The following AKAP13 variants were observed in gnomAD, a reference collection of about 807,000 sequenced individuals.
AKAP13 encodes A-kinase anchoring protein 13.
In AKAP13, 80 loss-of-function variants were observed where a neutral mutation model predicts 264.5. That is an observed-to-expected ratio of 0.30 (90% confidence interval 0.25 to 0.36). The LOEUF (loss-of-function observed/expected upper bound fraction) is 0.36. Ranked by LOEUF, AKAP13 falls within the 10% of genes least tolerant of loss-of-function variation. The pLI, the probability that AKAP13 is intolerant of heterozygous loss-of-function variation, is 1.00. For synonymous variants in AKAP13, 1,380 were observed against 1,250.2 expected (o/e 1.10, Z -2.19); for missense variants, 3,712 against 3,435.2 (o/e 1.08, Z -2.01).
chr15:85,585,567 G>A, intron 7 of AKAP13, 135 bp from the exon 8 acceptor site: 1 of 1,267,128 alleles, frequency 7.9e-7, no homozygotes, highest in East Asian at 2.4e-5. Flanking sequence ...ACTAGCCGCT[G>A]ACAACAAAAG....
intron 8 of AKAP13, among the ~76,000 whole-genome samples, chr15:85,626,217 C>G (rs2081404438): frequency 1.3e-5 from 2 of 152,220 alleles, no homozygotes; most frequent in African/African-American, 4.8e-5. Flanking sequence ...TTGCATATCT[C>G]TAACTGCTGC....
chr15:85,727,190 G>A lies in AKAP13; in HGVS notation c.6947G>A (p.Ser2316Asn), dbSNP rs772934157. Residue 2316 changes from serine (S) to asparagine (N), a missense_variant, in exon 28 of 37, where the codon AGC (serine) becomes AAC (asparagine). Physicochemically the swap from Ser to Asn is conservative, Grantham distance 46. Coordinates refer to ENST00000394518, the MANE Select transcript of AKAP13 (RefSeq NM_007200.5). The surrounding 1 kb of genome is among the most constrained non-coding windows in gnomAD (Gnocchi z 5.3). ...CCAGAGATGGTAGAAGTCCATGCCAGCTCCAAAGAGGAACGAAACAGCTGG... is the reference window on the plus strand; with the variant it reads ...CCAGAGATGGTAGAAGTCCATGCCAACTCCAAAGAGGAACGAAACAGCTGG... ...TDPEMVEVHASSKEERNSWIQ... is the reference protein window; with the variant it reads ...TDPEMVEVHANSKEERNSWIQ... 3 of 1,614,200 alleles carry A rather than the reference G, an allele frequency of 1.9e-6. No homozygotes were observed. In the South Asian group the frequency reaches 3.3e-5, roughly 18 times the overall value.
chr15:85,574,918 C>G (rs966205163), intron 5 of AKAP13, among the ~76,000 whole-genome samples: 1 of 152,100 alleles, frequency 6.6e-6, no homozygotes, highest in Non-Finnish European at 1.5e-5. Flanking sequence ...GGCTAGGAGT[C>G]CTGCAGTTTT....
intron 14 of AKAP13, among the ~76,000 whole-genome samples, chr15:85,673,910 C>G (rs2084069017): frequency 6.6e-6 from 1 of 151,542 alleles, no homozygotes; most frequent in Non-Finnish European, 1.5e-5. Context: ...CCAGAATGGT[C>G]TCGATCTCCT....
intron 5 of AKAP13, among the ~76,000 whole-genome samples, chr15:85,559,725 C>T (rs1414765955): frequency 7.7e-6 from 1 of 129,410 alleles, no homozygotes; most frequent in African/African-American, 2.9e-5. Flanking sequence ...AGGCGGAATT[C>T]AGGTGGTAAT....
chr15:85,626,714 A>G lies in AKAP13; in HGVS notation c.4162-12660A>G, dbSNP rs1246305862. On this transcript the variant is annotated intron_variant, in intron 8 of 36. Coordinates refer to ENST00000394518, the MANE Select transcript of AKAP13 (RefSeq NM_007200.5). ...TGCTGTTATGAGCATTGGTATACAAATATCTGTTTGAGTTCCTGCTTGCAG... is the reference window on the plus strand; with the variant it reads ...TGCTGTTATGAGCATTGGTATACAAGTATCTGTTTGAGTTCCTGCTTGCAG... Among the ~76,000 whole-genome samples the G allele has an allele frequency of 2.6e-5, 4 of 152,204 alleles. 1 individual carries two copies. Among genetic ancestry groups the G allele is most frequent in the African/African-American group, 9.6e-5 (4 of 41,462 alleles).
intron 5 of AKAP13, among the ~76,000 whole-genome samples, chr15:85,571,933 G>A (rs2078832387): frequency 6.6e-6 from 1 of 152,224 alleles, no homozygotes; most frequent in East Asian, 1.9e-4. Context: ...TGAATTGGGA[G>A]ATTGAAGGGT....
At chr15:85,430,137 G>A (rs1357423554) in intron 1 of AKAP13, among the ~76,000 whole-genome samples, 1 of 152,186 alleles carries the variant, frequency 6.6e-6, no homozygotes, top group Non-Finnish European at 1.5e-5. Flanking sequence ...GTCATATTCT[G>A]TAAAGTCTCA....
At chr15:85,510,935 T>C (rs1295629855) in intron 2 of AKAP13, among the ~76,000 whole-genome samples, 1 of 152,152 alleles carries the variant, frequency 6.6e-6, no homozygotes, top group Admixed American at 6.5e-5. Flanking sequence ...AATCCCATGT[T>C]TTTAGGTGGC....
intron 1 of AKAP13, among the ~76,000 whole-genome samples, chr15:85,430,766 T>C (rs990154177): frequency 6.6e-6 from 1 of 152,220 alleles, no homozygotes; most frequent in East Asian, 1.9e-4. Context: ...GCTGGCCTTA[T>C]GTACATTGGC....
chr15:85,399,527 A>AAAAAAAAAAAAAAAAAAAAAAT (rs1567038675), intron 1 of AKAP13, among the ~76,000 whole-genome samples: 1 of 114,740 alleles, frequency 8.7e-6, no homozygotes, highest in Non-Finnish European at 1.8e-5. Flanking sequence ...AAAAAATAAA[A>AAAAAAAAAAAAAAAAAAAAAAT]AAATAAAAAA....
chr15:85,724,944 C>A lies in AKAP13; in HGVS notation c.6746-1466C>A, dbSNP rs1303947359. On this transcript the variant is annotated intron_variant, in intron 26 of 36. Coordinates refer to ENST00000394518, the MANE Select transcript of AKAP13 (RefSeq NM_007200.5). The surrounding 1 kb of genome is among the most constrained non-coding windows in gnomAD (Gnocchi z 4.2). Reference sequence around the variant, plus strand: ...TAAACTAAGGCTCCTTCCCTCCAGTCTTAATATTCCATGATGTTCTGAGAG... The same window carrying A: ...TAAACTAAGGCTCCTTCCCTCCAGTATTAATATTCCATGATGTTCTGAGAG... 6.6e-6 allele frequency among the ~76,000 whole-genome samples: 1 copy of A among 152,144 alleles called. No homozygotes were observed. The highest frequency in any genetic ancestry group is 1.5e-5 in the Non-Finnish European group (1 of 68,022).
chr15:85,444,309 A>G (rs1430993925), intron 1 of AKAP13, among the ~76,000 whole-genome samples: 3 of 152,222 alleles, frequency 2.0e-5, no homozygotes, highest in African/African-American at 7.2e-5. Flanking sequence ...ATTCAGACAG[A>G]CAAAATAGAA....
intron 8 of AKAP13, among the ~76,000 whole-genome samples, chr15:85,634,753 T>C (rs989417269): frequency 6.6e-6 from 1 of 152,144 alleles, no homozygotes; most frequent in Non-Finnish European, 1.5e-5. Context: ...TCTCTGCTGA[T>C]CACTAATGTT....
intron 35 of AKAP13, among the ~76,000 whole-genome samples, chr15:85,742,227 G>C (rs2089069754): frequency 6.6e-6 from 1 of 152,236 alleles, no homozygotes; most frequent in Non-Finnish European, 1.5e-5. Flanking sequence ...GTCTCAGTGT[G>C]TCTGAGAAAA....
At chr15:85,401,134 T>G (rs1318773459) in intron 1 of AKAP13, among the ~76,000 whole-genome samples, 1 of 152,076 alleles carries the variant, frequency 6.6e-6, no homozygotes, top group Non-Finnish European at 1.5e-5. Flanking sequence ...AGTGCTGGGA[T>G]TATAGACACG....
At chr15:85,562,596 T>A (rs1211860407) in intron 5 of AKAP13, among the ~76,000 whole-genome samples, 4 of 134,712 alleles carry the variant, frequency 3.0e-5, no homozygotes, top group East Asian at 2.2e-4. Context: ...TATATATATA[T>A]ATATATATAT....
At chr15:85,549,308 C>T (rs1337164114) in intron 5 of AKAP13, among the ~76,000 whole-genome samples, 2 of 152,236 alleles carry the variant, frequency 1.3e-5, no homozygotes, top group East Asian at 1.9e-4. Context: ...ATTTACAGTC[C>T]TTCCACCCTT....
chr15:85,433,319 T>A (rs1196020740), intron 1 of AKAP13, among the ~76,000 whole-genome samples: 2 of 152,152 alleles, frequency 1.3e-5, no homozygotes, highest in East Asian at 3.8e-4. Flanking sequence ...TTTTCAAGTA[T>A]CTTCATATAT....
Sources: allele counts gnomAD v4.1 joint callset (sites outside exome capture counted in the v4.1 genomes callset), GRCh38; gene constraint gnomAD v4.1.1; non-coding constraint Gnocchi (gnomAD v3.1); transcripts MANE v1.5; gene names NCBI Gene and HGNC (gene_info 2026-07-23, HGNC 2026-07-21).